PACRG: variants seen among roughly 807,000 people sequenced by gnomAD.
PACRG encodes the protein parkin coregulated, also known as parkin coregulated gene protein.
Under a neutral mutation model 29.7 loss-of-function variants are expected in PACRG, and 29 were observed. The observed-to-expected ratio is 0.98, with a 90% CI of 0.73 to 1.33. PACRG has a LOEUF of 1.33. PACRG is among the 40% of genes most tolerant of loss of function. The probability of loss-of-function intolerance (pLI) is 0.00; values close to 1 mark genes in which losing one functional copy is unlikely to be tolerated. For synonymous variants in PACRG, 116 were observed against 118.7 expected, an observed-to-expected ratio of 0.98 and a Z score of 0.15; for missense variants, 279 against 316.2, an observed-to-expected ratio of 0.88 and a Z score of 0.89.
chr6:163,264,473 C>A (rs1261289308), intron 4 of PACRG, among the ~76,000 whole-genome samples: 2 of 152,310 alleles, frequency 1.3e-5, no homozygotes, highest in East Asian at 3.9e-4. Context: ...CAGCAGGGGA[C>A]ACTGTGTGCA....
chr6:163,230,578 A>C (rs1435576042), intron 4 of PACRG, among the ~76,000 whole-genome samples: 1 of 152,216 alleles, frequency 6.6e-6, no homozygotes, highest in Non-Finnish European at 1.5e-5. Flanking sequence ...TAGAATGGAA[A>C]AACATATATA....
intron 4 of PACRG, among the ~76,000 whole-genome samples, chr6:163,098,815 G>C (rs913570288): frequency 6.6e-6 from 1 of 152,196 alleles, no homozygotes; most frequent in African/African-American, 2.4e-5. Flanking sequence ...TAAACAACGG[G>C]CGGATTATTC....
chr6:162,832,608 A>T (rs1302829962), intron 2 of PACRG, among the ~76,000 whole-genome samples: 1 of 152,094 alleles, frequency 6.6e-6, no homozygotes, highest in Non-Finnish European at 1.5e-5. Context: ...TTCTGCTGGG[A>T]TTTGCTGTGT....
At chr6:163,281,209 C>T (rs1350344087) in intron 4 of PACRG, among the ~76,000 whole-genome samples, 1 of 152,028 alleles carries the variant, frequency 6.6e-6, no homozygotes, top group Admixed American at 6.5e-5. Context: ...GTGGTGCGAG[C>T]TTGGGGGTGC....
intron 2 of PACRG, among the ~76,000 whole-genome samples, chr6:163,012,795 A>G (rs1233263655): frequency 6.6e-6 from 1 of 152,246 alleles, no homozygotes; most frequent in Non-Finnish European, 1.5e-5. Context: ...TGCAGGCACC[A>G]TCTCCGCTTC....
chr6:163,311,002 A>G (rs1001785042), intron 4 of PACRG: 1 of 152,240 alleles, frequency 6.6e-6, no homozygotes, highest in Non-Finnish European at 1.5e-5. Flanking sequence ...AAGAGAAAGC[A>G]TCCCATGGGG....
chr6:162,738,518 A>G (rs907271864), intron 1 of PACRG, among the ~76,000 whole-genome samples: 6 of 152,188 alleles, frequency 3.9e-5, no homozygotes, highest in African/African-American at 1.4e-4. Flanking sequence ...CCTGTTTGCT[A>G]TGGGTTCTTC....
At chr6:162,874,444 C>G (rs989435063) in intron 2 of PACRG, among the ~76,000 whole-genome samples, 1 of 152,044 alleles carries the variant, frequency 6.6e-6, no homozygotes, top group African/African-American at 2.4e-5. Context: ...AGCCAGGGGT[C>G]TGTTCACAGG....
intron 1 of PACRG, among the ~76,000 whole-genome samples, chr6:162,751,241 G>A (rs1781494113): frequency 6.6e-6 from 1 of 151,824 alleles, no homozygotes; most frequent in Admixed American, 6.6e-5. Flanking sequence ...TAATGAGTGA[G>A]GATGATCCTT....
At chr6:162,944,301 T>C (rs1197083783) in intron 2 of PACRG, among the ~76,000 whole-genome samples, 1 of 152,120 alleles carries the variant, frequency 6.6e-6, no homozygotes, top group Non-Finnish European at 1.5e-5. Context: ...ACCAACATCA[T>C]AGGTACATCT....
At chr6:162,937,085 A>G (rs1029355149) in intron 2 of PACRG, among the ~76,000 whole-genome samples, 1 of 152,220 alleles carries the variant, frequency 6.6e-6, no homozygotes, top group Non-Finnish European at 1.5e-5. Context: ...GTTCAAAAGA[A>G]AGGTCTAGAC....
intron 1 of PACRG, among the ~76,000 whole-genome samples, chr6:162,762,368 G>A (rs35103567): frequency 0.088 from 13,419 of 152,242 alleles, 713 homozygotes; most frequent in Middle Eastern, 0.17. Context: ...AACAAACATT[G>A]GGAATTGACA....
chr6:163,143,362 A>T (rs1020888142), intron 4 of PACRG, among the ~76,000 whole-genome samples: 2 of 152,344 alleles, frequency 1.3e-5, no homozygotes, highest in African/African-American at 4.8e-5. Flanking sequence ...GTGGTTTCCA[A>T]CGCATAAGTA....
At chr6:162,952,974 A>C (rs1020201470) in intron 2 of PACRG, among the ~76,000 whole-genome samples, 1 of 152,342 alleles carries the variant, frequency 6.6e-6, no homozygotes, top group East Asian at 1.9e-4. Flanking sequence ...CTGTATTTCA[A>C]ATATATAAAA....
intron 4 of PACRG, among the ~76,000 whole-genome samples, chr6:163,217,104 A>C (rs1231435917): frequency 6.6e-6 from 1 of 152,202 alleles, no homozygotes; most frequent in Non-Finnish European, 1.5e-5. Context: ...GTCTGGGCAC[A>C]AGTGTGAAAG....
At chr6:162,984,951 T>C (rs1351188711) in intron 2 of PACRG, among the ~76,000 whole-genome samples, 1 of 152,012 alleles carries the variant, frequency 6.6e-6, no homozygotes, top group African/African-American at 2.4e-5. Flanking sequence ...CTTCCCACTC[T>C]GTGGGTTGTC....
At chr6:163,091,943 A>G (rs963869400) in intron 4 of PACRG, among the ~76,000 whole-genome samples, 1 of 152,240 alleles carries the variant, frequency 6.6e-6, no homozygotes, top group African/African-American at 2.4e-5. Flanking sequence ...GCAGTAGAAA[A>G]AACTCATCCT....
In PACRG at chr6:163,225,645, T is replaced by C. The variant is rs374435869; in HGVS notation, c.614-89182T>C. On this transcript the variant is annotated intron_variant, in intron 4 of 4. Transcript: ENST00000366888. Reference sequence around the variant, plus strand: ...TTAGTACAGCCATTATGGAAAACAGTATGGAGGTTCCTCAAAACGTTAAAA... The same window carrying C: ...TTAGTACAGCCATTATGGAAAACAGCATGGAGGTTCCTCAAAACGTTAAAA... 7.9e-5 allele frequency among the ~76,000 whole-genome samples: 12 copies of C among 152,280 alleles called. 1 individual carries two copies. The highest frequency in any genetic ancestry group is 2.9e-4 in the African/African-American group (12 of 41,554).
chr6:163,162,802 G>A (rs1293733436), intron 4 of PACRG, among the ~76,000 whole-genome samples: 6 of 152,220 alleles, frequency 3.9e-5, no homozygotes, highest in South Asian at 2.1e-4. Flanking sequence ...CTGGCCAGCC[G>A]TAAAGGCCCC....
Sources: gnomAD v4.1 joint callset for allele counts (sites outside exome capture counted in the v4.1 genomes callset) on GRCh38, gnomAD v4.1.1 for gene constraint, MANE v1.5 for transcripts, NCBI Gene and HGNC (gene_info 2026-07-23, HGNC 2026-07-21) for gene names.